Variants in NCKAP5 observed in about 807,000 individuals in gnomAD.
NCKAP5 encodes the protein NCK associated protein 5.
NCKAP5 carries 92 observed loss-of-function variants against 167.0 expected under a neutral mutation model. That is an observed-to-expected ratio of 0.55 (90% CI 0.47 to 0.66). The LOEUF (loss-of-function observed/expected upper bound fraction) is 0.66. NCKAP5 is among the 30% of genes least tolerant of loss of function. The probability of loss-of-function intolerance (pLI) is 0.00; values close to 1 mark genes in which losing one functional copy is unlikely to be tolerated. For missense variants in NCKAP5, 2,378 were observed against 2,315.0 expected, an observed-to-expected ratio of 1.03 and a Z score of -0.56; for synonymous variants, 891 against 877.4, an observed-to-expected ratio of 1.02 and a Z score of -0.27.
chr2:133,283,298 T>A (rs530795675), intron 4 of NCKAP5, among the ~76,000 whole-genome samples: 4 of 152,300 alleles, frequency 2.6e-5, no homozygotes, highest in Admixed American at 6.5e-5. Flanking sequence ...AGTTTTTTTT[T>A]AAAAGGAAGC....
intron 8 of NCKAP5, among the ~76,000 whole-genome samples, chr2:132,921,639 G>C (rs940047907): frequency 6.6e-6 from 1 of 152,222 alleles, no homozygotes; most frequent in African/African-American, 2.4e-5. Context: ...TCCCGCCTTT[G>C]AAGGCTGAGT....
chr2:133,155,420 G>T (rs1353210221), intron 5 of NCKAP5, among the ~76,000 whole-genome samples: 2 of 152,082 alleles, frequency 1.3e-5, no homozygotes, highest in African/African-American at 4.8e-5. Flanking sequence ...GGGTGATGCG[G>T]ATGCTGGTGG....
chr2:133,608,245 C>G, the NCKAP5 span, among the ~76,000 whole-genome samples: 1 of 152,090 alleles, frequency 6.6e-6, no homozygotes, highest in African/African-American at 2.4e-5. Context: ...TTCTGATGAT[C>G]AAATTGCTCT....
At chr2:132,766,516 C>T (rs764211627) in intron 16 of NCKAP5, among the ~76,000 whole-genome samples, 4 of 152,144 alleles carry the variant, frequency 2.6e-5, no homozygotes, top group Non-Finnish European at 1.5e-5. Flanking sequence ...AAAATCCAGT[C>T]GTGGATTTAA....
intron 3 of NCKAP5, among the ~76,000 whole-genome samples, chr2:133,333,622 T>A (rs926687279): frequency 3.3e-5 from 5 of 152,202 alleles, no homozygotes; most frequent in Non-Finnish European, 5.9e-5. Flanking sequence ...GTGGTGACAA[T>A]CTAGCATCTT....
intron 3 of NCKAP5, among the ~76,000 whole-genome samples, chr2:133,510,894 G>A (rs1683430271): frequency 6.6e-6 from 1 of 152,162 alleles, no homozygotes; most frequent in African/African-American, 2.4e-5. Context: ...GTAAAATAGG[G>A]GTAATTAGAG....
the NCKAP5 span, among the ~76,000 whole-genome samples, chr2:133,617,102 G>C: frequency 6.6e-6 from 1 of 152,094 alleles, no homozygotes; most frequent in African/African-American, 2.4e-5. Context: ...AAATTCAACA[G>C]CCCTTCATGC....
chr2:133,580,361 G>C, the NCKAP5 span, among the ~76,000 whole-genome samples: 1 of 152,162 alleles, frequency 6.6e-6, no homozygotes, highest in Non-Finnish European at 1.5e-5. Context: ...CTGCACCTCT[G>C]GTTTCTCTGA....
intron 3 of NCKAP5, among the ~76,000 whole-genome samples, chr2:133,423,447 C>A (rs1689606614): frequency 6.6e-6 from 1 of 151,540 alleles, no homozygotes; most frequent in African/African-American, 2.4e-5. Context: ...CAAGCCTGTT[C>A]TTTTTTTTTA....
intron 6 of NCKAP5, chr2:133,118,328 A>T (rs2082145413): frequency 6.6e-6 from 1 of 152,168 alleles, no homozygotes; most frequent in South Asian, 2.1e-4. Flanking sequence ...GCAAAAAAAA[A>T]GTATTCTTTA....
intron 6 of NCKAP5, among the ~76,000 whole-genome samples, chr2:133,042,700 T>A (rs1462320306): frequency 6.6e-6 from 1 of 152,198 alleles, no homozygotes; most frequent in East Asian, 1.9e-4. Flanking sequence ...AATTAAGGAC[T>A]AATATTAATT....
intron 5 of NCKAP5, among the ~76,000 whole-genome samples, chr2:133,201,075 A>C (rs1034398454): frequency 6.6e-6 from 1 of 152,192 alleles, no homozygotes; most frequent in Non-Finnish European, 1.5e-5. Context: ...ACAATATCCT[A>C]GAGTAAAAGT....
intron 19 of NCKAP5, among the ~76,000 whole-genome samples, chr2:132,694,358 C>T (rs1299590595): frequency 1.3e-5 from 2 of 152,226 alleles, no homozygotes; most frequent in East Asian, 3.9e-4. Flanking sequence ...TTTGGATGCA[C>T]ACATCAGCAC....
At chr2:133,003,897 T>C (rs2077871271) in intron 6 of NCKAP5, among the ~76,000 whole-genome samples, 1 of 152,196 alleles carries the variant, frequency 6.6e-6, no homozygotes, top group Non-Finnish European at 1.5e-5. Context: ...CTAGGCAGGC[T>C]TGCACTGATC....
rs58885401 is a variant in NCKAP5 at position 132,900,977 on chromosome 2, G to GAAA, written c.580-22064_580-22062dup. On this transcript the variant is annotated intron_variant, in intron 8 of 19. Transcript: ENST00000409261. ...CAAGACTCTGTCTCAAAAAAAAAAAGAAAAAAAAAAAAAAAAAAGAACACC... is the reference window on the plus strand; with the variant it reads ...CAAGACTCTGTCTCAAAAAAAAAAAGAAAAAAAAAAAAAAAAAAAAAGAACACC... 4.1e-4 allele frequency among the ~76,000 whole-genome samples: 40 copies of GAAA among 98,694 alleles called. 1 individual carries two copies. Among genetic ancestry groups the GAAA allele is most frequent in the South Asian group, 7.1e-4 (2 of 2,798 alleles). The allele number at this position is 98,694 out of a possible 152,430, so 64.7% of individuals were successfully genotyped here.
Position 132,673,903 on chromosome 2 carries a change from T to G in NCKAP5, c.5714-598A>C, listed in dbSNP as rs367622078. 4.6e-5 allele frequency among the ~76,000 whole-genome samples: 7 copies of G among 152,152 alleles called. No homozygotes were observed. The East Asian group carries it at 5.8e-4, about 13-fold the overall frequency. Reference sequence around the variant, plus strand: ...AAAATTAAAGCGGCAGGTGAACAGCTGAGTAACCCCTCTGCTCCAGAAGGT... The same window carrying G: ...AAAATTAAAGCGGCAGGTGAACAGCGGAGTAACCCCTCTGCTCCAGAAGGT... On this transcript the variant is annotated intron_variant, in intron 19 of 19. Transcript: ENST00000409261.
intron 3 of NCKAP5, among the ~76,000 whole-genome samples, chr2:133,474,384 T>C (rs1679688796): frequency 6.6e-6 from 1 of 152,154 alleles, no homozygotes; most frequent in Admixed American, 6.6e-5. Flanking sequence ...ATGATGGTTA[T>C]GAGGGGCTGG....
At chr2:132,988,394 G>A (rs1276951698) in intron 7 of NCKAP5, among the ~76,000 whole-genome samples, 5 of 151,162 alleles carry the variant, frequency 3.3e-5, no homozygotes, top group South Asian at 2.1e-4. Flanking sequence ...CCCAGGAGGC[G>A]GAGGTTGCAG....
intron 7 of NCKAP5, among the ~76,000 whole-genome samples, chr2:132,967,675 A>G (rs189132140): frequency 1.3e-5 from 2 of 152,334 alleles, no homozygotes; most frequent in Admixed American, 6.5e-5. Context: ...TTTGTTAAAC[A>G]TGGATTACTG....
Sources: gnomAD v4.1 joint callset for allele counts (sites outside exome capture counted in the v4.1 genomes callset) on GRCh38, gnomAD v4.1.1 for gene constraint, MANE v1.5 for transcripts, NCBI Gene and HGNC (gene_info 2026-07-23, HGNC 2026-07-21) for gene names.